IPCEF1: variants seen among roughly 807,000 people sequenced by gnomAD.
IPCEF1 encodes the protein interaction protein for cytohesin exchange factors 1.
IPCEF1 carries 31 observed loss-of-function variants against 50.9 expected under a neutral mutation model. That is an observed-to-expected ratio of 0.61 (90% CI 0.46 to 0.82). The LOEUF (loss-of-function observed/expected upper bound fraction) is 0.82, where lower values mean the gene tolerates loss of function less well. Among genes scored for constraint, IPCEF1 ranks in the 40% least tolerant of loss-of-function variants. The pLI, the probability that IPCEF1 is intolerant of heterozygous loss-of-function variation, is 0.00. For synonymous variants in IPCEF1, 181 were observed against 192.0 expected (o/e 0.94, Z 0.47); for missense variants, 458 against 514.0 (o/e 0.89, Z 1.05).
At chr6:154,296,698 G>A (rs1288114931) in intron 1 of IPCEF1, among the ~76,000 whole-genome samples, 4 of 151,678 alleles carry the variant, frequency 2.6e-5, no homozygotes, top group Non-Finnish European at 5.9e-5. Flanking sequence ...GCATGGTGGC[G>A]GGCGCCTGTA....
chr6:154,257,915 C>A (rs1308065504), intron 3 of IPCEF1, among the ~76,000 whole-genome samples: 1 of 152,184 alleles, frequency 6.6e-6, no homozygotes. Flanking sequence ...GTGGCCCAGG[C>A]TGGTCTCAAA....
At chr6:154,175,487 GA>G (rs1800241646) in intron 10 of IPCEF1, among the ~76,000 whole-genome samples, 1 of 151,404 alleles carries the variant, frequency 6.6e-6, no homozygotes, top group Non-Finnish European at 1.5e-5. Context: ...TGATAAAGGG[GA>G]TATCACCACC....
Position 154,218,853 on chromosome 6 carries a change from A to G in IPCEF1, c.392+2404T>C, listed in dbSNP as rs553160269. Among the ~76,000 whole-genome samples, 360 of 152,338 alleles carry G rather than the reference A, an allele frequency of 2.4e-3. 1 individual carries two copies. Among genetic ancestry groups the G allele is most frequent in the African/African-American group, 8.5e-3 (354 of 41,564 alleles). ...AAAAACATGGGGTCCAGACACCTTA[A>G]GTTCAAATTTCAATTTGCATCTTCT... is the stretch of plus-strand genomic sequence containing the variant. On this transcript the variant is annotated intron_variant, in intron 7 of 11. Coordinates refer to ENST00000367220, the MANE Select transcript of IPCEF1 (RefSeq NM_001130700.2).
chr6:154,236,798 CATCAGGGTAGA>C (rs1780171389), intron 5 of IPCEF1, among the ~76,000 whole-genome samples: 2 of 152,104 alleles, frequency 1.3e-5, no homozygotes, highest in South Asian at 2.1e-4. Context: ...GGAGCCTCAG[CATCAGGGTAGA>C]ATCAGGGTAG....
intron 2 of IPCEF1, among the ~76,000 whole-genome samples, chr6:154,284,611 G>A (rs1782311060): frequency 6.6e-6 from 1 of 152,164 alleles, no homozygotes; most frequent in Non-Finnish European, 1.5e-5. Flanking sequence ...TTGCAGGATG[G>A]TGGAGCTTTC....
intron 11 of IPCEF1, 148 bp downstream of exon 11, chr6:154,167,772 C>A (rs1392562387): frequency 5.3e-6 from 3 of 563,614 alleles, no homozygotes; most frequent in Non-Finnish European, 3.1e-6. Context: ...ACGTCAAGAT[C>A]ATCTTGCCCT....
At chr6:154,302,486 T>C (rs1254183192) in intron 1 of IPCEF1, among the ~76,000 whole-genome samples, 1 of 152,098 alleles carries the variant, frequency 6.6e-6, no homozygotes, top group Non-Finnish European at 1.5e-5. Context: ...TTCTTCTCTT[T>C]AGTGGGGGAA....
At chr6:154,221,741 G>A (rs2128617158) in intron 6 of IPCEF1, among the ~76,000 whole-genome samples, 1 of 152,226 alleles carries the variant, frequency 6.6e-6, no homozygotes, top group South Asian at 2.1e-4. Context: ...GGGCATGGTG[G>A]CGGGCACCTC....
At chr6:154,215,735 A>G (rs1420611435) in intron 7 of IPCEF1, among the ~76,000 whole-genome samples, 2 of 152,228 alleles carry the variant, frequency 1.3e-5, no homozygotes, top group Non-Finnish European at 2.9e-5. Context: ...CTTAGTAGCC[A>G]CTTAAAATTG....
intron 1 of IPCEF1, among the ~76,000 whole-genome samples, chr6:154,346,756 A>G (rs2499642): frequency 0.34 from 51,455 of 151,992 alleles, 9,595 homozygotes; most frequent in Middle Eastern, 0.46. Context: ...TCTTGTGAGA[A>G]CTCACTCACT....
At chr6:154,310,798 C>T (rs1159473307) in intron 1 of IPCEF1, among the ~76,000 whole-genome samples, 1 of 151,518 alleles carries the variant, frequency 6.6e-6, no homozygotes, top group East Asian at 1.9e-4. Context: ...AATCTAAAAA[C>T]TTAATCTCAT....
intron 3 of IPCEF1, among the ~76,000 whole-genome samples, chr6:154,250,741 A>C (rs1314227452): frequency 6.6e-6 from 1 of 152,260 alleles, no homozygotes; most frequent in Non-Finnish European, 1.5e-5. Flanking sequence ...ATTAAAATTC[A>C]CAGTAAGATG....
chr6:154,295,917 A>G (rs78233207), intron 1 of IPCEF1, among the ~76,000 whole-genome samples: 11,418 of 129,126 alleles, frequency 0.088, 823 homozygotes, highest in East Asian at 0.41. Flanking sequence ...ACACGCACAC[A>G]CACACACACA....
intron 5 of IPCEF1, among the ~76,000 whole-genome samples, chr6:154,244,262 C>G (rs1348329197): frequency 1.3e-5 from 2 of 151,368 alleles, no homozygotes; most frequent in Non-Finnish European, 1.5e-5. Context: ...TTTTCCCTCA[C>G]AGTAAACATA....
At chr6:154,239,592 A>G (rs1008419788) in intron 5 of IPCEF1, among the ~76,000 whole-genome samples, 1 of 152,218 alleles carries the variant, frequency 6.6e-6, no homozygotes, top group Admixed American at 6.5e-5. Context: ...TGCCCTGTCC[A>G]GACATGTCAA....
chr6:154,166,451 T>A (rs770872781), intron 11 of IPCEF1, among the ~76,000 whole-genome samples: 1 of 152,244 alleles, frequency 6.6e-6, no homozygotes, highest in Non-Finnish European at 1.5e-5. Flanking sequence ...AACTACAGCT[T>A]ATTATCCGTT....
chr6:154,260,758 A>G (rs2128651478), intron 3 of IPCEF1, among the ~76,000 whole-genome samples: 1 of 152,342 alleles, frequency 6.6e-6, no homozygotes, highest in Non-Finnish European at 1.5e-5. Context: ...GGCATGAGCC[A>G]CCATGCCCAG....
intron 10 of IPCEF1, among the ~76,000 whole-genome samples, chr6:154,172,446 C>T (rs1196948585): frequency 6.6e-6 from 1 of 152,180 alleles, no homozygotes; most frequent in Non-Finnish European, 1.5e-5. Context: ...AAATACTGTG[C>T]TTTTCCCACA....
At chr6:154,176,187 C>T (rs976311114) in intron 10 of IPCEF1, among the ~76,000 whole-genome samples, 1 of 152,116 alleles carries the variant, frequency 6.6e-6, no homozygotes, top group African/African-American at 2.4e-5. Context: ...ATAATAAGAG[C>T]TATTTATGAC....
Sources: allele counts gnomAD v4.1 joint callset (sites outside exome capture counted in the v4.1 genomes callset), GRCh38; gene constraint gnomAD v4.1.1; transcripts MANE v1.5; gene names NCBI Gene and HGNC (gene_info 2026-07-23, HGNC 2026-07-21).